The following RPS29 variants were observed in gnomAD, a reference collection of about 807,000 sequenced individuals.
RPS29 encodes the protein ribosomal protein S29.
For missense variants in RPS29, 60 were observed against 75.7 expected, an observed-to-expected ratio of 0.79 and a Z score of 0.77; for synonymous variants, 37 against 26.9, an observed-to-expected ratio of 1.37 and a Z score of -1.16.
chr14:49,577,844 TC>T lies in RPS29; in HGVS notation c.171del (p.Ser58AlafsTer47), dbSNP rs1166373788. ...CATAGGCAGTGCCAAGGAAGACAGC[TC>T]AGGTCTTTCTGTAATGGTAAAAGAG... On this transcript the variant is annotated frameshift_variant, in exon 3 of 3. Transcript: ENST00000396020. LOFTEE classifies it low-confidence loss of function (END_TRUNC). 1.3e-6 allele frequency: 2 copies of T among 1,592,884 alleles called. No homozygotes were observed. The highest frequency in any genetic ancestry group is 2.7e-5 in the African/African-American group (2 of 74,450).
chr14:49,577,774 G>C, exon 3 of RPS29: 1 of 1,556,326 alleles, frequency 6.4e-7, no homozygotes, highest in Non-Finnish European at 8.9e-7. Context: ...TGGGCTTCGC[G>C]AGCGGTCTCA....
At chr14:49,589,233 T>C (rs1176127771), upstream of RPS29, among the ~76,000 whole-genome samples, 1 of 152,150 alleles carries the variant, frequency 6.6e-6, no homozygotes, top group African/African-American at 2.4e-5. Context: ...TTAGAACACA[T>C]TTTCCTTTAA....
intron 1 of RPS29, 71 bp downstream of exon 1, chr14:49,586,214 C>T (rs1464671493): frequency 7.8e-6 from 12 of 1,530,986 alleles, no homozygotes; most frequent in Non-Finnish European, 1.0e-5. Flanking sequence ...CCGTGGCCTC[C>T]TCTACTTGAG....
rs1881411465 is a variant in RPS29, at chr14:49,583,649, C to A, written c.*18G>T. Reference sequence around the variant, plus strand: ...TCATTGAGTAGATGCCCCGGATAATCCTCTGAAGGAAGAGCATTTAGTCCA... The same window carrying A: ...TCATTGAGTAGATGCCCCGGATAATACTCTGAAGGAAGAGCATTTAGTCCA... On this transcript the variant is annotated 3_prime_UTR_variant, in exon 3 of 3. Coordinates refer to ENST00000245458, the MANE Select transcript of RPS29 (RefSeq NM_001032.5). 6.3e-7 allele frequency: 1 copy of A among 1,583,912 alleles called. No homozygotes were observed.
exon 3 of RPS29, chr14:49,571,090 A>G (rs1454804178): frequency 1.3e-5 from 2 of 152,216 alleles, no homozygotes; most frequent in Non-Finnish European, 2.9e-5. Flanking sequence ...CAGATGAATG[A>G]GTACCATTTC....
At chr14:49,573,484 A>AG (rs1489512466) in exon 3 of RPS29, 2 of 151,928 alleles carry the variant, frequency 1.3e-5, no homozygotes, top group East Asian at 3.8e-4. Context: ...AAAAAAAAAA[A>AG]AAGAGAAAGG....
chr14:49,574,765 T>C (rs945509715), exon 3 of RPS29: 11 of 152,350 alleles, frequency 7.2e-5, no homozygotes, highest in Admixed American at 2.6e-4. Flanking sequence ...GTGAGCTGAC[T>C]CAGAGCAAAG....
At chr14:49,576,480 GTTTT>G (rs1222785649) in exon 3 of RPS29, 4 of 152,090 alleles carry the variant, frequency 2.6e-5, no homozygotes, top group Admixed American at 6.5e-5. Flanking sequence ...CACTAGAAGT[GTTTT>G]TTCTCTGCCT....
upstream of RPS29, chr14:49,586,510 T>C (rs1012092081): frequency 6.0e-6 from 4 of 663,490 alleles, no homozygotes; most frequent in South Asian, 5.0e-5. Flanking sequence ...TTAGAGGCGT[T>C]GTGGGCTGGC....
intron 2 of RPS29, 187 bp downstream of exon 2, chr14:49,585,763 T>G (rs558514972): frequency 1.0e-5 from 6 of 585,320 alleles, no homozygotes; most frequent in Non-Finnish European, 1.8e-5. Context: ...TTCTCCATTC[T>G]ATTAATTTGA....
At chr14:49,585,477 C>A in intron 2 of RPS29, 1 of 192,724 alleles carries the variant, frequency 5.2e-6, no homozygotes, top group South Asian at 1.8e-4. Flanking sequence ...CTACTCGGGA[C>A]GCCAAGGCAA....
upstream of RPS29, among the ~76,000 whole-genome samples, chr14:49,591,339 T>C (rs1881705543): frequency 6.6e-6 from 1 of 152,046 alleles, no homozygotes; most frequent in Non-Finnish European, 1.5e-5. Flanking sequence ...TCTCACTCTG[T>C]TGCCCAGGCT....
chr14:49,585,708 G>A (rs902518580), intron 2 of RPS29: 15 of 510,448 alleles, frequency 2.9e-5, no homozygotes, highest in Non-Finnish European at 4.9e-5. Flanking sequence ...AACTGGCTAA[G>A]CTATCTAGGT....
At chr14:49,574,422 A>G (rs1881127044) in exon 3 of RPS29, 1 of 152,192 alleles carries the variant, frequency 6.6e-6, no homozygotes, top group African/African-American at 2.4e-5. Flanking sequence ...ATACAGTAAG[A>G]AGTTACAAAG....
chr14:49,581,293 G>C (rs1188531005), downstream of RPS29, among the ~76,000 whole-genome samples: 1 of 152,144 alleles, frequency 6.6e-6, no homozygotes, highest in Non-Finnish European at 1.5e-5. Flanking sequence ...CCTCCTCTCA[G>C]ATAAAACTGG....
At chr14:49,581,192 A>G (rs1029090965), downstream of RPS29, among the ~76,000 whole-genome samples, 5 of 151,208 alleles carry the variant, frequency 3.3e-5, no homozygotes, top group Non-Finnish European at 7.4e-5. Context: ...CTCTATCTCA[A>G]AAAAAAAAGA....
At chr14:49,579,491 C>T (rs1425679445), downstream of RPS29, among the ~76,000 whole-genome samples, 1 of 152,152 alleles carries the variant, frequency 6.6e-6, no homozygotes, top group African/African-American at 2.4e-5. Flanking sequence ...CACTTGAGGC[C>T]AGGAGTATAA....
chr14:49,595,776 G>A (rs1399760271), intron 1 of RPS29, among the ~76,000 whole-genome samples: 1 of 152,194 alleles, frequency 6.6e-6, no homozygotes, highest in Non-Finnish European at 1.5e-5. Context: ...ACTTTGGGAG[G>A]CTGGGGCGGG....
chr14:49,595,799 G>C (rs910150494), intron 1 of RPS29, among the ~76,000 whole-genome samples: 2 of 152,146 alleles, frequency 1.3e-5, no homozygotes, highest in East Asian at 3.9e-4. Context: ...GATCACCAGA[G>C]GTCAGGAGTT....
Sources: allele counts gnomAD v4.1 joint callset (sites outside exome capture counted in the v4.1 genomes callset), GRCh38; gene constraint gnomAD v4.1.1; transcripts MANE v1.5; gene names NCBI Gene and HGNC (gene_info 2026-07-23, HGNC 2026-07-21).